Variants in ST6GALNAC3 observed in about 807,000 individuals in gnomAD.
The protein encoded by ST6GALNAC3 is alpha-N-acetylgalactosaminide alpha-2,6-sialyltransferase 3.
A neutral mutation model predicts 32.7 loss-of-function variants in ST6GALNAC3; 25 were observed. The observed-to-expected ratio is 0.76, with a 90% CI of 0.56 to 1.07. The LOEUF (loss-of-function observed/expected upper bound fraction) is 1.07. Ranked by LOEUF, ST6GALNAC3 falls within the 50% of genes least tolerant of loss-of-function variation. ST6GALNAC3 has a pLI of 0.00. For missense variants in ST6GALNAC3, 355 were observed against 382.4 expected (o/e 0.93, Z 0.60); for synonymous variants, 129 against 133.1 (o/e 0.97, Z 0.21).
intron 1 of ST6GALNAC3, among the ~76,000 whole-genome samples, chr1:76,253,970 G>A (rs1317546626): frequency 1.3e-5 from 2 of 152,160 alleles, no homozygotes; most frequent in Non-Finnish European, 2.9e-5. Context: ...AGTGAAGAGG[G>A]AAATGGTGGT....
intron 3 of ST6GALNAC3, among the ~76,000 whole-genome samples, chr1:76,494,429 G>GTT (rs1434515507): frequency 1.9e-5 from 1 of 53,420 alleles, no homozygotes; most frequent in Non-Finnish European, 3.6e-5. Flanking sequence ...GTGTGCATGT[G>GTT]TATATATATA....
At chr1:76,076,908 T>C (rs1646823726) in intron 1 of ST6GALNAC3, among the ~76,000 whole-genome samples, 1 of 152,186 alleles carries the variant, frequency 6.6e-6, no homozygotes, top group South Asian at 2.1e-4. Context: ...TATGTCAACC[T>C]TCCATATACT....
At chr1:76,432,486 A>C (rs1279054718) in intron 3 of ST6GALNAC3, among the ~76,000 whole-genome samples, 3 of 110,964 alleles carry the variant, frequency 2.7e-5, no homozygotes, top group African/African-American at 1.1e-4. Context: ...ACAGAATCTC[A>C]CTCTGTTGCC....
chr1:76,094,989 A>G (rs1488067174), intron 1 of ST6GALNAC3, among the ~76,000 whole-genome samples: 1 of 151,912 alleles, frequency 6.6e-6, no homozygotes, highest in African/African-American at 2.4e-5. Flanking sequence ...TAGATTATAA[A>G]CATCCATGTG....
intron 1 of ST6GALNAC3, among the ~76,000 whole-genome samples, chr1:76,301,265 T>G (rs1354800111): frequency 2.0e-5 from 3 of 151,938 alleles, no homozygotes; most frequent in Non-Finnish European, 4.4e-5. Context: ...GAGGCAGAGA[T>G]CATTAGTTTG....
intron 1 of ST6GALNAC3, chr1:76,142,733 C>T: frequency 2.7e-6 from 1 of 374,290 alleles, no homozygotes; most frequent in South Asian, 2.1e-5. Context: ...ACCTTTTTAG[C>T]AGTGAGGAGC....
chr1:76,586,671 T>C (rs984735286), intron 3 of ST6GALNAC3, among the ~76,000 whole-genome samples: 2 of 152,238 alleles, frequency 1.3e-5, no homozygotes, highest in African/African-American at 4.8e-5. Context: ...ATTTTAATTT[T>C]TCTCCCTCTA....
At chr1:76,615,330 T>C (rs1648224967) in intron 3 of ST6GALNAC3, among the ~76,000 whole-genome samples, 1 of 152,042 alleles carries the variant, frequency 6.6e-6, no homozygotes, top group South Asian at 2.1e-4. Flanking sequence ...CCCTTAAGAC[T>C]CAGCAGAGCT....
At chr1:76,245,392 T>C (rs901393485) in intron 1 of ST6GALNAC3, among the ~76,000 whole-genome samples, 1 of 152,160 alleles carries the variant, frequency 6.6e-6, no homozygotes, top group East Asian at 1.9e-4. Context: ...CCTGGATTCA[T>C]TGATTTTTTT....
At chr1:76,298,179 C>T (rs1239198447) in intron 1 of ST6GALNAC3, among the ~76,000 whole-genome samples, 1 of 151,944 alleles carries the variant, frequency 6.6e-6, no homozygotes, top group African/African-American at 2.4e-5. Flanking sequence ...AGACAACTCC[C>T]TCTCACCTAA....
At chr1:76,299,946 C>T (rs1170090370) in intron 1 of ST6GALNAC3, among the ~76,000 whole-genome samples, 1 of 151,994 alleles carries the variant, frequency 6.6e-6, no homozygotes, top group African/African-American at 2.4e-5. Context: ...CAGGTTTCAA[C>T]AAACTGGCTC....
At chr1:76,550,593 T>C (rs315060) in intron 3 of ST6GALNAC3, among the ~76,000 whole-genome samples, 25,461 of 152,088 alleles carry the variant, frequency 0.17, 3,234 homozygotes, top group African/African-American at 0.36. Context: ...TTAGTAGCCA[T>C]GCTGCTTGAG....
At chr1:76,107,381 G>T (rs1448610960) in intron 1 of ST6GALNAC3, among the ~76,000 whole-genome samples, 1 of 151,298 alleles carries the variant, frequency 6.6e-6, no homozygotes, top group African/African-American at 2.4e-5. Flanking sequence ...AGGAATGGTG[G>T]CTCTGAAGAG....
At chr1:76,376,286 T>C (rs1369796507) in intron 2 of ST6GALNAC3, among the ~76,000 whole-genome samples, 1 of 152,148 alleles carries the variant, frequency 6.6e-6, no homozygotes, top group Non-Finnish European at 1.5e-5. Context: ...CCACTGACCT[T>C]ATTCATATTT....
At chr1:76,513,437 TG>T (rs1661992326) in intron 3 of ST6GALNAC3, among the ~76,000 whole-genome samples, 1 of 152,152 alleles carries the variant, frequency 6.6e-6, no homozygotes, top group Non-Finnish European at 1.5e-5. Context: ...ATAAGTTGAA[TG>T]TAGCTAGGTG....
chr1:76,484,733 G>A (rs558845746), intron 3 of ST6GALNAC3, among the ~76,000 whole-genome samples: 10 of 152,110 alleles, frequency 6.6e-5, no homozygotes, highest in Non-Finnish European at 1.5e-4. Context: ...CTGCCTGAAT[G>A]CCCTGGCCAG....
intron 2 of ST6GALNAC3, among the ~76,000 whole-genome samples, chr1:76,401,718 G>T (rs549143081): frequency 6.6e-6 from 1 of 152,072 alleles, no homozygotes; most frequent in Non-Finnish European, 1.5e-5. Context: ...CAAAACTGAG[G>T]TTATCAGACA....
intron 1 of ST6GALNAC3, among the ~76,000 whole-genome samples, chr1:76,076,488 G>A (rs919704287): frequency 1.3e-5 from 2 of 152,154 alleles, no homozygotes; most frequent in African/African-American, 4.8e-5. Context: ...TGCTACCTCT[G>A]TGATGTTGGA....
At chr1:76,523,854 C>A (rs545823852) in intron 3 of ST6GALNAC3, among the ~76,000 whole-genome samples, 1 of 152,056 alleles carries the variant, frequency 6.6e-6, no homozygotes, top group Non-Finnish European at 1.5e-5. Context: ...CTTGTAAATG[C>A]CAAAATGTCT....
Sources: allele counts gnomAD v4.1 joint callset (sites outside exome capture counted in the v4.1 genomes callset), GRCh38; gene constraint gnomAD v4.1.1; transcripts MANE v1.5; gene names NCBI Gene and HGNC (gene_info 2026-07-23, HGNC 2026-07-21).